Variants in UGT8 observed in about 807,000 individuals in gnomAD.
UGT8 encodes the protein 2-hydroxyacylsphingosine 1-beta-galactosyltransferase.
A neutral mutation model predicts 40.5 loss-of-function variants in UGT8; 12 were observed. That is an observed-to-expected ratio of 0.30 (90% CI 0.19 to 0.48). UGT8 has a LOEUF of 0.48. Among genes scored for constraint, UGT8 ranks in the 20% least tolerant of loss-of-function variants. The pLI, the probability that UGT8 is intolerant of heterozygous loss-of-function variation, is 0.99. For synonymous variants in UGT8, 224 were observed against 240.4 expected (o/e 0.93, Z 0.63); for missense variants, 513 against 648.7 (o/e 0.79, Z 2.27).
intron 1 of UGT8, among the ~76,000 whole-genome samples, chr4:114,611,891 T>C (rs1327363364): frequency 6.6e-6 from 1 of 152,128 alleles, no homozygotes; most frequent in Non-Finnish European, 1.5e-5. Flanking sequence ...TGGAAATTCT[T>C]GGGCTCATCC....
At chr4:114,674,635 C>G (rs915495170) in intron 5 of UGT8, among the ~76,000 whole-genome samples, 6 of 152,210 alleles carry the variant, frequency 3.9e-5, no homozygotes, top group Admixed American at 3.3e-4. Flanking sequence ...AATCTAATTT[C>G]TAACTAAACT....
intron 5 of UGT8, among the ~76,000 whole-genome samples, chr4:114,668,631 C>G (rs191148007): frequency 1.1e-4 from 17 of 152,284 alleles, no homozygotes; most frequent in African/African-American, 4.1e-4. Flanking sequence ...CTGTATATCA[C>G]AGTTTTTATT....
rs149540819 is a variant in UGT8 at position 114,611,867 on chromosome 4, T to G, written c.-2-11012T>G. Among the ~76,000 whole-genome samples, 259 of 152,224 alleles carry G rather than the reference T, an allele frequency of 1.7e-3. 1 individual carries two copies. The highest frequency in any genetic ancestry group is 5.9e-3 in the African/African-American group (245 of 41,528). On this transcript the variant is annotated intron_variant, in intron 1 of 5. Coordinates refer to ENST00000310836, the MANE Select transcript of UGT8 (RefSeq NM_001128174.3). ...GAACAGAAGCATCAGTGTTACCTGGTGACTTGTTAGGAATGGAAATTCTTG... is the reference window on the plus strand; with the variant it reads ...GAACAGAAGCATCAGTGTTACCTGGGGACTTGTTAGGAATGGAAATTCTTG...
intron 2 of UGT8, among the ~76,000 whole-genome samples, chr4:114,630,487 G>C (rs1467497863): frequency 1.3e-5 from 2 of 152,166 alleles, no homozygotes; most frequent in African/African-American, 4.8e-5. Context: ...CAAGAGTATG[G>C]AATCACTGAT....
At chr4:114,646,466 GATA>G (rs1465686898) in intron 2 of UGT8, among the ~76,000 whole-genome samples, 1 of 151,938 alleles carries the variant, frequency 6.6e-6, no homozygotes, top group Non-Finnish European at 1.5e-5. Flanking sequence ...TCATCATTAT[GATA>G]ATAATCATCA....
chr4:114,668,622 T>A (rs888342610), intron 5 of UGT8, among the ~76,000 whole-genome samples: 6 of 152,250 alleles, frequency 3.9e-5, no homozygotes, highest in Non-Finnish European at 7.3e-5. Flanking sequence ...TTATAACAGC[T>A]GTATATCACA....
intron 2 of UGT8, among the ~76,000 whole-genome samples, chr4:114,639,027 G>A (rs1055138172): frequency 6.6e-6 from 1 of 152,134 alleles, no homozygotes; most frequent in African/African-American, 2.4e-5. Flanking sequence ...TATTTATTGA[G>A]TACCTGTCAA....
chr4:114,606,770 T>C (rs754393772), intron 1 of UGT8, among the ~76,000 whole-genome samples: 8 of 152,096 alleles, frequency 5.3e-5, no homozygotes, highest in Non-Finnish European at 1.2e-4. Flanking sequence ...GGAAAAACAA[T>C]GGAGGCAAAA....
At chr4:114,655,908 TTC>T (rs1018018337) in intron 2 of UGT8, among the ~76,000 whole-genome samples, 6 of 152,110 alleles carry the variant, frequency 3.9e-5, no homozygotes, top group African/African-American at 1.4e-4. Context: ...TACTCAGTGT[TTC>T]TTAGATTCTC....
intron 2 of UGT8, among the ~76,000 whole-genome samples, chr4:114,632,512 A>G (rs1732637891): frequency 6.6e-6 from 1 of 152,150 alleles, no homozygotes; most frequent in African/African-American, 2.4e-5. Flanking sequence ...GTAAAAATAA[A>G]CTTTACAAAG....
chr4:114,663,362 A>C (rs1734668993), intron 2 of UGT8, among the ~76,000 whole-genome samples: 1 of 152,070 alleles, frequency 6.6e-6, no homozygotes, highest in South Asian at 2.1e-4. Context: ...ATGCACAGCA[A>C]GTGTGTCATT....
intron 1 of UGT8, among the ~76,000 whole-genome samples, chr4:114,618,597 A>T (rs141850305): frequency 1.2e-3 from 181 of 152,212 alleles, no homozygotes; most frequent in African/African-American, 4.3e-3. Flanking sequence ...TAAACTGGAA[A>T]CCTCTGCTTG....
At chr4:114,672,370 G>T (rs1205174020) in intron 5 of UGT8, among the ~76,000 whole-genome samples, 4 of 152,140 alleles carry the variant, frequency 2.6e-5, no homozygotes, top group Admixed American at 2.6e-4. Context: ...ACAAGCACAC[G>T]TATGTTTATT....
intron 1 of UGT8, among the ~76,000 whole-genome samples, chr4:114,603,922 G>C (rs1485444882): frequency 6.6e-6 from 1 of 152,168 alleles, no homozygotes; most frequent in African/African-American, 2.4e-5. Flanking sequence ...CACAGAGAGT[G>C]ATTGAAAATA....
At chr4:114,608,537 C>T (rs1730864932) in intron 1 of UGT8, among the ~76,000 whole-genome samples, 1 of 151,702 alleles carries the variant, frequency 6.6e-6, no homozygotes, top group South Asian at 2.1e-4. Context: ...TTTTTTTTAA[C>T]AAGGTGTTCT....
chr4:114,628,025 G>A (rs764070173), intron 2 of UGT8, among the ~76,000 whole-genome samples: 2 of 152,146 alleles, frequency 1.3e-5, no homozygotes, highest in African/African-American at 2.4e-5. Flanking sequence ...AGGTGATTCA[G>A]TTAGTGCAAC....
chr4:114,635,055 C>A (rs1246729786), intron 2 of UGT8, among the ~76,000 whole-genome samples: 2 of 148,796 alleles, frequency 1.3e-5, no homozygotes, highest in African/African-American at 2.5e-5. Context: ...AAACCATGAA[C>A]AATAATTAGA....
intron 2 of UGT8, among the ~76,000 whole-genome samples, chr4:114,626,641 A>G (rs1365724705): frequency 6.6e-6 from 1 of 152,240 alleles, no homozygotes; most frequent in Admixed American, 6.5e-5. Context: ...CATTTCTCAC[A>G]TAGTAGATAC....
chr4:114,648,797 AAAGT>A (rs1733733888), intron 2 of UGT8, among the ~76,000 whole-genome samples: 1 of 152,220 alleles, frequency 6.6e-6, no homozygotes, highest in African/African-American at 2.4e-5. Context: ...AATATAATAT[AAAGT>A]AATTTCTTAC....
Sources: gnomAD v4.1 joint callset for allele counts (sites outside exome capture counted in the v4.1 genomes callset) on GRCh38, gnomAD v4.1.1 for gene constraint, MANE v1.5 for transcripts, NCBI Gene and HGNC (gene_info 2026-07-23, HGNC 2026-07-21) for gene names.